ASAP3: variants seen among roughly 807,000 people sequenced by gnomAD.
ASAP3 encodes arf-GAP with SH3 domain, ANK repeat and PH domain-containing protein 3.
In ASAP3, 85 loss-of-function variants were observed where a neutral mutation model predicts 118.2. That is an observed-to-expected ratio of 0.72 (90% confidence interval 0.60 to 0.86). The LOEUF is 0.86. ASAP3 is among the 40% of genes least tolerant of loss of function. ASAP3 has a pLI of 0.00. For synonymous variants in ASAP3, 432 were observed against 477.4 expected, an observed-to-expected ratio of 0.90 and a Z score of 1.24; for missense variants, 1,026 against 1,175.0, an observed-to-expected ratio of 0.87 and a Z score of 1.85.
In ASAP3 at chr1:23,431,044, C is replaced by A; in HGVS notation, c.2628G>T (p.Arg876Ser). Residue 876 changes from arginine to serine, a missense_variant, in exon 24 of 25, where the codon AGG becomes AGT. Arg to Ser is a moderately radical substitution (Grantham distance 110). Transcript: ENST00000336689. ...GPSARQPLPR[R>S]NVPVGITEGD... Reference sequence around the variant, plus strand: ...GTCCCAGAGTTCCTACCGGCACGTTCCTTCTGGGCAGAGGCTGCCTGGCTG... The same window carrying A: ...GTCCCAGAGTTCCTACCGGCACGTTACTTCTGGGCAGAGGCTGCCTGGCTG... 1 of 1,584,068 alleles carries A rather than the reference C, an allele frequency of 6.3e-7. No individual in the cohort carries two copies. Among genetic ancestry groups the A allele is most frequent in the Non-Finnish European group, 8.6e-7 (1 of 1,166,778 alleles).
At chr1:23,477,719 T>G (rs778732607) in intron 1 of ASAP3, among the ~76,000 whole-genome samples, 1 of 152,170 alleles carries the variant, frequency 6.6e-6, no homozygotes, top group Non-Finnish European at 1.5e-5. Context: ...TCTGTTTGTT[T>G]TGTTTTGTTT....
Position 23,436,915 on chromosome 1 carries a change from A to C in ASAP3, c.1472T>G (p.Leu491Trp). ...CAGGCCCCGCCCCGCCCTCACCAAC[A>C]ACTCGGAGGGGCCCAGCAGGTCCAA... ...LTLDLLGPSE[L>W]LLALNMGNTS... Residue 491 changes from leucine (L) to tryptophan (W), a missense_variant, in exon 15 of 25, where the codon TTG becomes TGG. Coordinates refer to ENST00000336689, the MANE Select transcript of ASAP3 (RefSeq NM_017707.4). This position sits in a 1 kb window ranked among gnomAD's most constrained non-coding sequence, Gnocchi z 4.2. The C allele has an allele frequency of 1.2e-6, 2 of 1,610,144 alleles. No individual in the cohort carries two copies. Among genetic ancestry groups the C allele is most frequent in the Non-Finnish European group, 1.7e-6 (2 of 1,179,108 alleles).
In ASAP3 at chr1:23,438,963, G is replaced by T; in HGVS notation, c.1015-129C>A. 8.8e-7 allele frequency: 1 copy of T among 1,139,720 alleles called. No homozygotes were observed. Among genetic ancestry groups the T allele is most frequent in the Non-Finnish European group, 1.3e-6 (1 of 780,648 alleles). The allele number at this position is 1,139,720 out of a possible 1,614,324, so 70.6% of individuals were successfully genotyped here. On this transcript the variant is annotated intron_variant, in intron 11 of 24. Transcript: ENST00000336689. The surrounding 1 kb of genome is among the most constrained non-coding windows in gnomAD (Gnocchi z 4.9). ...CATTTGTGTTTCTCCTCACCCAGCA[G>T]CACCTCAAGGATGTGAAGTGTAGAC...
In ASAP3 at chr1:23,442,276, G is replaced by T. The variant is rs1031453899; in HGVS notation, c.586-5C>A. On this transcript the variant is annotated splice_polypyrimidine_tract_variant and splice_region_variant and intron_variant, in intron 6 of 24. Transcript: ENST00000336689. The stretch of plus-strand genomic sequence containing the variant: ...CTCCCCGGCTTTGAGCAGATACTAG[G>T]AGGAGGGCAGGGCAAGATACGTGAT... 6.2e-7 allele frequency: 1 copy of T among 1,600,962 alleles called. No homozygotes were observed. The highest frequency in any genetic ancestry group is 8.5e-7 in the Non-Finnish European group (1 of 1,174,164).
chr1:23,446,744 G>A (rs143334769), intron 5 of ASAP3, among the ~76,000 whole-genome samples: 1 of 152,122 alleles, frequency 6.6e-6, no homozygotes, highest in African/African-American at 2.4e-5. Context: ...AGCCCAATTT[G>A]TAAGTTTTAA....
In ASAP3 at chr1:23,437,237, C is replaced by A; in HGVS notation, c.1235G>T (p.Trp412Leu). 1 of 1,592,498 alleles carries A rather than the reference C, an allele frequency of 6.3e-7. No individual in the cohort carries two copies. Among genetic ancestry groups the A allele is most frequent in the Non-Finnish European group, 8.5e-7 (1 of 1,169,796 alleles). Residue 412 changes from tryptophan to leucine, a missense_variant, in exon 14 of 25, where the codon TGG becomes TTG. Coordinates refer to ENST00000336689, the MANE Select transcript of ASAP3 (RefSeq NM_017707.4). The surrounding 1 kb of genome is among the most constrained non-coding windows in gnomAD (Gnocchi z 6.1). ...LGEPSAGPGS[W>L]GSAGHDGEPH... ...CTCCCCATCATGGCCGGCGGACCCCCAGGACCCCGGGCCAGCGCTGGGCTC... is the reference window on the plus strand; with the variant it reads ...CTCCCCATCATGGCCGGCGGACCCCAAGGACCCCGGGCCAGCGCTGGGCTC...
At chr1:23,442,297 G>C in intron 6 of ASAP3, 26 bp from the exon 7 acceptor site, 1 of 1,590,910 alleles carries the variant, frequency 6.3e-7, no homozygotes, top group African/African-American at 1.3e-5. Context: ...GGCAAGATAC[G>C]TGATGTGAGC....
rs750796854 is a variant in ASAP3, at chr1:23,456,149, C to G, written c.175G>C (p.Val59Leu). The G allele has an allele frequency of 3.7e-6, 6 of 1,614,188 alleles. No individual in the cohort carries two copies. In the South Asian group the frequency reaches 6.6e-5, roughly 18 times the overall value. Residue 59 changes from valine (V) to leucine (L), a missense_variant, in exon 2 of 25, where the codon GTG (valine) becomes CTG (leucine). By Grantham distance (32) the Val-to-Leu change is conservative. Coordinates refer to ENST00000336689, the MANE Select transcript of ASAP3 (RefSeq NM_017707.4). ...QAILQRIKKA[V>L]RAIHSSGLGH... Reference sequence around the variant, plus strand: ...AGGCCGGAGCTATGGATTGCCCGCACAGCCTTCTTTATTCTCTGCAGGATG... The same window carrying G: ...AGGCCGGAGCTATGGATTGCCCGCAGAGCCTTCTTTATTCTCTGCAGGATG...
Position 23,436,083 on chromosome 1 carries a change from C to A in ASAP3, c.1572-55G>T. 1 of 1,580,892 alleles carries A rather than the reference C, an allele frequency of 6.3e-7. No individual in the cohort carries two copies. Among genetic ancestry groups the A allele is most frequent in the Non-Finnish European group, 8.7e-7 (1 of 1,151,710 alleles). On this transcript the variant is annotated intron_variant, in intron 16 of 24. Transcript: ENST00000336689. This position sits in a 1 kb window ranked among gnomAD's most constrained non-coding sequence, Gnocchi z 4.2. ...CATGGACCGTGTCTGCCCAGCTGAT[C>A]CCTGGGGCCCTCCCACAGGAGATAC...
chr1:23,440,348 A>T (rs1169502738), intron 10 of ASAP3, among the ~76,000 whole-genome samples: 1 of 146,692 alleles, frequency 6.8e-6, no homozygotes, highest in Non-Finnish European at 1.5e-5. Flanking sequence ...AAAAATACAA[A>T]AAATTAGCTG....
chr1:23,437,122 G>T lies in ASAP3; in HGVS notation c.1342+8C>A, dbSNP rs1257572658. The T allele has an allele frequency of 1.2e-6, 2 of 1,602,060 alleles. No individual in the cohort carries two copies. The highest frequency in any genetic ancestry group is 2.3e-5 in the East Asian group (1 of 44,374). ...AGCCTCCCTCCTGCCCCGGCCCCGGGGACCGACCTGCAGCCCCGCAGTCGC... is the reference window on the plus strand; with the variant it reads ...AGCCTCCCTCCTGCCCCGGCCCCGGTGACCGACCTGCAGCCCCGCAGTCGC... On this transcript the variant is annotated splice_region_variant and intron_variant, in intron 14 of 24. Coordinates refer to ENST00000336689, the MANE Select transcript of ASAP3 (RefSeq NM_017707.4). The surrounding 1 kb of genome is among the most constrained non-coding windows in gnomAD (Gnocchi z 6.1).
chr1:23,461,192 A>G (rs942946487), intron 1 of ASAP3, among the ~76,000 whole-genome samples: 6 of 152,186 alleles, frequency 3.9e-5, no homozygotes, highest in Admixed American at 3.9e-4. Flanking sequence ...GTGAACCCTA[A>G]TGTAAACTAT....
chr1:23,460,190 CA>C (rs1641525277), intron 1 of ASAP3, among the ~76,000 whole-genome samples: 1 of 151,894 alleles, frequency 6.6e-6, no homozygotes, highest in South Asian at 2.1e-4. Flanking sequence ...GGCCAAAATC[CA>C]AAACACTGAC....
In ASAP3 at chr1:23,433,703, G is replaced by A; in HGVS notation, c.1952-10C>T. ...TCGCCTGCTTCATTTACTGTGAGCG[G>A]GGAAAGTCAGGGTTCATGGTCATAG... On this transcript the variant is annotated splice_polypyrimidine_tract_variant and intron_variant, in intron 19 of 24. Transcript: ENST00000336689. 1 of 1,614,056 alleles carries A rather than the reference G, an allele frequency of 6.2e-7. No individual in the cohort carries two copies. The highest frequency in any genetic ancestry group is 2.2e-5 in the East Asian group (1 of 44,878).
intron 1 of ASAP3, among the ~76,000 whole-genome samples, chr1:23,477,567 G>A (rs1642172926): frequency 6.6e-6 from 1 of 151,928 alleles, no homozygotes; most frequent in Non-Finnish European, 1.5e-5. Flanking sequence ...ACCTGGAGAT[G>A]GGAGGTAACT....
intron 2 of ASAP3, 45 bp from the exon 3 acceptor site, chr1:23,456,071 G>A (rs1171003540): frequency 5.0e-6 from 8 of 1,613,982 alleles, no homozygotes; most frequent in African/African-American, 1.3e-5. Context: ...CCAGGCTGGG[G>A]CTGGGAGAGG....
chr1:23,473,718 GAGA>G (rs1642030596), intron 1 of ASAP3, among the ~76,000 whole-genome samples: 2 of 152,274 alleles, frequency 1.3e-5, no homozygotes, highest in South Asian at 4.1e-4. Context: ...AATTTGGGGA[GAGA>G]AGGAGACTTT....
chr1:23,431,963 T>C (rs766256059), intron 22 of ASAP3, 45 bp from the exon 23 acceptor site: 1 of 1,568,436 alleles, frequency 6.4e-7, no homozygotes, highest in South Asian at 1.1e-5. Flanking sequence ...TCTTTATCAC[T>C]TGCTCTGTGC....
In ASAP3 at chr1:23,437,449, C is replaced by T. The variant is rs1456591683; in HGVS notation, c.1126G>A (p.Ala376Thr). 3 of 1,614,098 alleles carry T rather than the reference C, an allele frequency of 1.9e-6. No individual in the cohort carries two copies. Among genetic ancestry groups the T allele is most frequent in the Middle Eastern group, 1.6e-4 (1 of 6,062 alleles). The change falls in exon 13 of 25, where the codon GCA becomes ACA. Residue 376 changes from alanine to threonine, a missense_variant. Physicochemically the swap from Ala to Thr is moderately conservative, Grantham distance 58. Transcript: ENST00000336689. This position sits in a 1 kb window ranked among gnomAD's most constrained non-coding sequence, Gnocchi z 6.1. ...GCCTCACACTCGTGCTCGTCCTCTG[C>T]CTGAAAGTGGTACGTCCGGTTGTCT... Reference protein sequence around the residue: ...VTHNRTYHFQAEDEHECEAWV... With the variant: ...VTHNRTYHFQTEDEHECEAWV...
Sources: gnomAD v4.1 joint callset for allele counts (sites outside exome capture counted in the v4.1 genomes callset) on GRCh38, gnomAD v4.1.1 for gene constraint, Gnocchi (gnomAD v3.1) non-coding constraint, MANE v1.5 for transcripts, NCBI Gene and HGNC (gene_info 2026-07-23, HGNC 2026-07-21) for gene names.